Variants in URI1 observed in about 807,000 individuals in gnomAD.
URI1 encodes URI1 prefoldin like chaperone, also known as unconventional prefoldin RPB5 interactor 1.
In URI1, 39 loss-of-function variants were observed where a neutral mutation model predicts 60.2. That is an observed-to-expected ratio of 0.65 (90% confidence interval 0.50 to 0.85). The LOEUF (loss-of-function observed/expected upper bound fraction) is 0.85. URI1 is among the 40% of genes least tolerant of loss of function. URI1 has a pLI of 0.00. For synonymous variants in URI1, 251 were observed against 236.8 expected (o/e 1.06, Z -0.55); for missense variants, 691 against 665.9 (o/e 1.04, Z -0.42).
intron 1 of URI1, among the ~76,000 whole-genome samples, chr19:29,932,654 CTT>C (rs34146888): frequency 3.8e-5 from 5 of 131,514 alleles, no homozygotes; most frequent in Non-Finnish European, 4.7e-5. Context: ...CCCTTCATTC[CTT>C]TTTTTTTTTT....
chr19:29,956,040 A>G (rs970832240), intron 1 of URI1, among the ~76,000 whole-genome samples: 2 of 147,240 alleles, frequency 1.4e-5, no homozygotes, highest in African/African-American at 5.0e-5. Flanking sequence ...GCTGGAGTGC[A>G]ATGGAGTGGT....
At position 30,013,274 on chromosome 19, in the gene URI1, A is replaced by ATT. The variant is rs201401505; in HGVS notation, c.1425+743_1425+744insTT. 8.9e-3 allele frequency among the ~76,000 whole-genome samples: 1,360 copies of ATT among 152,344 alleles called. 12 individuals carry two copies. The highest frequency in any genetic ancestry group is 0.02 in the Middle Eastern group (6 of 294). On this transcript the variant is annotated intron_variant, in intron 10 of 10. Transcript: ENST00000392271. ...AACCAGTGTACACATTTGTATATAC[A>ATT]ATAAGATACATGCATATATATAACC... is the stretch of plus-strand genomic sequence containing the variant.
intron 2 of URI1, among the ~76,000 whole-genome samples, 162 bp downstream of exon 2, chr19:29,971,389 G>A (rs1488354261): frequency 6.6e-6 from 1 of 151,788 alleles, no homozygotes; most frequent in Non-Finnish European, 1.5e-5. Context: ...AATTTATATT[G>A]TCTTTGACCC....
At chr19:29,965,559 A>G (rs867115804) in intron 1 of URI1, among the ~76,000 whole-genome samples, 4 of 152,200 alleles carry the variant, frequency 2.6e-5, no homozygotes, top group South Asian at 4.1e-4. Flanking sequence ...GAATATTCAT[A>G]TGTTTCATTG....
intron 1 of URI1, among the ~76,000 whole-genome samples, chr19:29,935,773 CTTTT>C: frequency 7.5e-6 from 1 of 132,542 alleles, no homozygotes; most frequent in East Asian, 2.4e-4. Flanking sequence ...CTTTTCTTTT[CTTTT>C]CTTTTCTTTT....
At chr19:29,935,384 T>C (rs2054960045) in intron 1 of URI1, among the ~76,000 whole-genome samples, 1 of 152,234 alleles carries the variant, frequency 6.6e-6, no homozygotes, top group Non-Finnish European at 1.5e-5. Context: ...TTTATAATTA[T>C]TGTTTCATGC....
intron 1 of URI1, chr19:29,956,650 A>G: frequency 6.5e-7 from 1 of 1,529,344 alleles, no homozygotes; most frequent in Non-Finnish European, 9.1e-7. Context: ...GAAATTTCGG[A>G]TTTCAACAAG....
chr19:29,947,713 A>G (rs1365788315), intron 1 of URI1, among the ~76,000 whole-genome samples: 1 of 152,186 alleles, frequency 6.6e-6, no homozygotes, highest in Non-Finnish European at 1.5e-5. Flanking sequence ...TTCCAATTAT[A>G]TATTGTAAGT....
intron 2 of URI1, among the ~76,000 whole-genome samples, chr19:29,971,939 T>C (rs2055465794): frequency 6.6e-6 from 1 of 152,064 alleles, no homozygotes; most frequent in Non-Finnish European, 1.5e-5. Flanking sequence ...TCTTGATTAT[T>C]GTCTGCAGGG....
chr19:29,940,122 A>G (rs1170635567), upstream of URI1, among the ~76,000 whole-genome samples: 6 of 152,132 alleles, frequency 3.9e-5, no homozygotes, highest in African/African-American at 1.4e-4. Flanking sequence ...GGAAGTTCAG[A>G]AGTGATGCAG....
At chr19:29,929,062 C>T (rs1299768683) in intron 1 of URI1, among the ~76,000 whole-genome samples, 1 of 152,078 alleles carries the variant, frequency 6.6e-6, no homozygotes, top group Non-Finnish European at 1.5e-5. Context: ...ATACTGAAAC[C>T]GTGTTCTTGC....
chr19:29,998,579 CTT>C (rs2145414274), intron 4 of URI1, among the ~76,000 whole-genome samples: 1 of 152,084 alleles, frequency 6.6e-6, no homozygotes, highest in Admixed American at 6.6e-5. Context: ...TCTCTTGTGA[CTT>C]TTTTAATTTA....
chr19:29,977,073 A>G (rs1397393609), intron 2 of URI1, among the ~76,000 whole-genome samples: 1 of 152,168 alleles, frequency 6.6e-6, no homozygotes, highest in Non-Finnish European at 1.5e-5. Flanking sequence ...ATAGTAGGAA[A>G]TAACCAAGAA....
chr19:29,950,550 T>G (rs758063005), intron 1 of URI1, among the ~76,000 whole-genome samples: 3 of 152,208 alleles, frequency 2.0e-5, no homozygotes, highest in Admixed American at 6.5e-5. Flanking sequence ...TGCTTTTCTC[T>G]TTATATATTC....
intron 7 of URI1, among the ~76,000 whole-genome samples, chr19:30,008,026 G>A (rs1380490907): frequency 6.6e-6 from 1 of 152,034 alleles, no homozygotes; most frequent in African/African-American, 2.4e-5. Flanking sequence ...ATCTTTGAAT[G>A]TGTTGTGAAA....
intron 1 of URI1, among the ~76,000 whole-genome samples, chr19:29,955,981 C>CTTT (rs1004370774): frequency 2.1e-5 from 3 of 144,964 alleles, no homozygotes; most frequent in Non-Finnish European, 3.0e-5. Context: ...CCAGAGTAGT[C>CTTT]TTTTTTTTTT....
chr19:29,933,940 C>CTTTTTTTTTTTTTTTTTTTTTTTT lies in URI1; in HGVS notation c.63+10199_63+10200insTTTTTTTTTTTTTTTTTTTTTTTT, dbSNP rs34942474. ...TCCTTCTTTCTTTTTCTTTTCTTCC[C>CTTTTTTTTTTTTTTTTTTTTTTTT]TTTTTTTTTTTTTGAGATGAAGTCT... is the stretch of plus-strand genomic sequence containing the variant. On this transcript the variant is annotated intron_variant, in intron 1 of 10. Transcript: ENST00000360605. Among the ~76,000 whole-genome samples the CTTTTTTTTTTTTTTTTTTTTTTTT allele has an allele frequency of 4.0e-5, 5 of 124,704 alleles. 1 individual carries two copies. The highest frequency in any genetic ancestry group is 1.0e-4 in the African/African-American group (3 of 29,950). The allele number at this position is 124,704 out of a possible 152,430, so 81.8% of individuals were successfully genotyped here.
chr19:29,948,916 C>T (rs12460317), intron 1 of URI1, among the ~76,000 whole-genome samples: 12,315 of 151,070 alleles, frequency 0.082, 701 homozygotes, highest in East Asian at 0.23. Flanking sequence ...AAGGGGCGGC[C>T]GGGCAGAGGC....
intron 8 of URI1, among the ~76,000 whole-genome samples, chr19:30,010,642 A>G (rs556318843): frequency 7.2e-4 from 109 of 152,262 alleles, no homozygotes; most frequent in African/African-American, 2.5e-3. Context: ...TACTCCTTCA[A>G]TTTCTAAAAA....
Sources: allele counts gnomAD v4.1 joint callset (sites outside exome capture counted in the v4.1 genomes callset), GRCh38; gene constraint gnomAD v4.1.1; transcripts MANE v1.5; gene names NCBI Gene and HGNC (gene_info 2026-07-23, HGNC 2026-07-21).